Variants in PTPRD observed in about 807,000 individuals in gnomAD.
PTPRD encodes receptor-type tyrosine-protein phosphatase delta.
In PTPRD, 34 loss-of-function variants were observed where a neutral mutation model predicts 214.5. That is an observed-to-expected ratio of 0.16 (90% CI 0.12 to 0.21). PTPRD has a LOEUF of 0.21. Among genes scored for constraint, PTPRD ranks in the 10% least tolerant of loss-of-function variants. PTPRD has a pLI of 1.00. For missense variants in PTPRD, 2,545 were observed against 2,398.7 expected, an observed-to-expected ratio of 1.06 and a Z score of -1.27; for synonymous variants, 1,128 against 845.7, an observed-to-expected ratio of 1.33 and a Z score of -5.79.
At chr9:9,244,396 T>G (rs10759054) in intron 9 of PTPRD, among the ~76,000 whole-genome samples, 130,683 of 152,012 alleles carry the variant, frequency 0.86, 56,817 homozygotes, top group Non-Finnish European at 0.92. Context: ...ATGCTACAAG[T>G]CTACAGTAAC....
intron 4 of PTPRD, among the ~76,000 whole-genome samples, chr9:9,955,600 T>C (rs1239125582): frequency 6.6e-6 from 1 of 151,438 alleles, no homozygotes; most frequent in Non-Finnish European, 1.5e-5. Flanking sequence ...CTTGGCTAAC[T>C]GCAAGCTCCG....
chr9:9,776,857 AT>A (rs2098802367), intron 5 of PTPRD, among the ~76,000 whole-genome samples: 2 of 152,234 alleles, frequency 1.3e-5, no homozygotes, highest in African/African-American at 4.8e-5. Flanking sequence ...AGCAAAGCCC[AT>A]TCGTTAACTA....
intron 11 of PTPRD, among the ~76,000 whole-genome samples, chr9:8,946,613 T>C (rs371255389): frequency 2.2e-4 from 33 of 152,260 alleles, no homozygotes; most frequent in South Asian, 8.3e-4. Context: ...AGTGGAGTAC[T>C]GCTAATGGGG....
chr9:10,131,834 A>G (rs2098889913), intron 3 of PTPRD, among the ~76,000 whole-genome samples: 1 of 152,194 alleles, frequency 6.6e-6, no homozygotes, highest in Non-Finnish European at 1.5e-5. Flanking sequence ...CTTACAATTC[A>G]CACCTGTTTG....
chr9:10,587,610 G>GA (rs1473290213), intron 2 of PTPRD, among the ~76,000 whole-genome samples: 1 of 152,042 alleles, frequency 6.6e-6, no homozygotes, highest in Non-Finnish European at 1.5e-5. Flanking sequence ...CACTCTTTCA[G>GA]AAAAATTATC....
At chr9:9,558,119 G>A (rs998813745) in intron 8 of PTPRD, among the ~76,000 whole-genome samples, 1 of 152,038 alleles carries the variant, frequency 6.6e-6, no homozygotes, top group South Asian at 2.1e-4. Flanking sequence ...GGACAGCTTT[G>A]GCTCTCTCTG....
intron 2 of PTPRD, among the ~76,000 whole-genome samples, chr9:10,427,142 A>AT (rs148358007): frequency 0.069 from 10,468 of 152,078 alleles, 1,228 homozygotes; most frequent in African/African-American, 0.23. Flanking sequence ...AGATAAATCT[A>AT]TTTTTTAAAA....
At chr9:9,415,112 G>A (rs896715704) in intron 8 of PTPRD, among the ~76,000 whole-genome samples, 5 of 152,124 alleles carry the variant, frequency 3.3e-5, no homozygotes, top group African/African-American at 1.2e-4. Flanking sequence ...TGCTCAGATA[G>A]CAATAACTGC....
intron 4 of PTPRD, among the ~76,000 whole-genome samples, chr9:10,018,771 G>T (rs113667182): frequency 9.3e-5 from 14 of 151,182 alleles, no homozygotes; most frequent in Non-Finnish European, 1.6e-4. Context: ...GGATGGTCTC[G>T]ATCTCCTGAC....
At chr9:8,835,013 A>G (rs1018419141) in intron 11 of PTPRD, among the ~76,000 whole-genome samples, 1 of 152,240 alleles carries the variant, frequency 6.6e-6, no homozygotes, top group Non-Finnish European at 1.5e-5. Context: ...ATCTAACTGC[A>G]TGAAAAGAGT....
At chr9:9,704,838 G>C (rs751266669) in intron 7 of PTPRD, among the ~76,000 whole-genome samples, 1 of 152,160 alleles carries the variant, frequency 6.6e-6, no homozygotes, top group Non-Finnish European at 1.5e-5. Context: ...TTCCAAACGA[G>C]TCATTTTCCA....
intron 3 of PTPRD, among the ~76,000 whole-genome samples, chr9:10,085,585 T>C (rs2098323157): frequency 6.7e-6 from 1 of 150,012 alleles, no homozygotes; most frequent in South Asian, 2.1e-4. Context: ...ATAAGCTAAA[T>C]CTCAGGAAAT....
chr9:10,119,098 A>G (rs2098754413), intron 3 of PTPRD, among the ~76,000 whole-genome samples: 1 of 151,970 alleles, frequency 6.6e-6, no homozygotes, highest in Non-Finnish European at 1.5e-5. Context: ...CCTCCTAAGT[A>G]ATAGTACTGC....
chr9:8,365,243 T>C (rs2079531954), intron 39 of PTPRD, among the ~76,000 whole-genome samples: 1 of 152,188 alleles, frequency 6.6e-6, no homozygotes, highest in Non-Finnish European at 1.5e-5. Context: ...ATCATAGTCC[T>C]GTTTCTGAGT....
At chr9:9,420,777 C>T (rs72702548) in intron 8 of PTPRD, among the ~76,000 whole-genome samples, 30 of 151,778 alleles carry the variant, frequency 2.0e-4, no homozygotes, top group African/African-American at 6.5e-4. Context: ...TGCCCATGAT[C>T]GATTAAATTA....
At chr9:8,685,848 A>T (rs1448336312) in intron 12 of PTPRD, among the ~76,000 whole-genome samples, 3 of 152,244 alleles carry the variant, frequency 2.0e-5, no homozygotes, top group African/African-American at 7.2e-5. Context: ...TAAATAAATA[A>T]AAATAAAATG....
chr9:9,063,203 G>T (rs931133425), intron 10 of PTPRD, among the ~76,000 whole-genome samples: 2 of 152,016 alleles, frequency 1.3e-5, no homozygotes, highest in Non-Finnish European at 2.9e-5. Flanking sequence ...CTAGGCATTA[G>T]GTATCTCATC....
At chr9:10,343,981 T>A (rs1463205532) in intron 2 of PTPRD, among the ~76,000 whole-genome samples, 1 of 131,308 alleles carries the variant, frequency 7.6e-6, no homozygotes, top group East Asian at 2.2e-4. Flanking sequence ...GATGGTAGTT[T>A]TTTTTTTTTT....
rs56137031 is a variant in PTPRD at position 9,565,999 on chromosome 9, G to T, written c.-237+8733C>A. On this transcript the variant is annotated intron_variant, in intron 8 of 45. Coordinates refer to ENST00000381196, the MANE Select transcript of PTPRD (RefSeq NM_002839.4). Reference sequence around the variant, plus strand: ...ATGGATTTATAAATATGCTATGAAGGACACAAGATGAATCATTTATTGGCT... The same window carrying T: ...ATGGATTTATAAATATGCTATGAAGTACACAAGATGAATCATTTATTGGCT... 8.0e-3 allele frequency among the ~76,000 whole-genome samples: 1,217 copies of T among 151,952 alleles called. 13 individuals carry two copies. Among genetic ancestry groups the T allele is most frequent in the African/African-American group, 0.028 (1,162 of 41,502 alleles).
Sources: allele counts gnomAD v4.1 joint callset (sites outside exome capture counted in the v4.1 genomes callset), GRCh38; gene constraint gnomAD v4.1.1; transcripts MANE v1.5; gene names NCBI Gene and HGNC (gene_info 2026-07-23, HGNC 2026-07-21).